Variants in GRIK2 observed in about 807,000 individuals in gnomAD.
GRIK2 encodes glutamate receptor ionotropic, kainate 2.
GRIK2 carries 32 observed loss-of-function variants against 100.3 expected under a neutral mutation model. The ratio of observed to expected loss-of-function variants is 0.32; its 90% confidence interval spans 0.24 to 0.43. The LOEUF is 0.43. Among genes scored for constraint, GRIK2 ranks in the 20% least tolerant of loss-of-function variants. The pLI is 1.00. For missense variants in GRIK2, 843 were observed against 1,114.9 expected, an observed-to-expected ratio of 0.76 and a Z score of 3.47; for synonymous variants, 417 against 389.4, an observed-to-expected ratio of 1.07 and a Z score of -0.83.
intron 15 of GRIK2, 25 bp from the exon 16 acceptor site, chr6:102,055,305 C>T: frequency 6.4e-7 from 1 of 1,564,716 alleles, no homozygotes; most frequent in Non-Finnish European, 8.7e-7. Context: ...CCTTGAAATA[C>T]TTAACATAAC....
At chr6:101,583,441 G>T (rs1778197075) in intron 2 of GRIK2, among the ~76,000 whole-genome samples, 1 of 152,006 alleles carries the variant, frequency 6.6e-6, no homozygotes, top group African/African-American at 2.4e-5. Flanking sequence ...CTGCCTTATT[G>T]CCATGTGTAG....
At chr6:101,690,665 G>A (rs1355186146) in intron 7 of GRIK2, among the ~76,000 whole-genome samples, 1 of 151,842 alleles carries the variant, frequency 6.6e-6, no homozygotes, top group Admixed American at 6.6e-5. Flanking sequence ...CTATGGTCTG[G>A]CTCTTTCCAA....
chr6:102,037,042 CA>C (rs1048186490), intron 15 of GRIK2, among the ~76,000 whole-genome samples: 1 of 150,798 alleles, frequency 6.6e-6, no homozygotes, highest in African/African-American at 2.4e-5. Flanking sequence ...AATTTTCTAC[CA>C]AAAAATTTAA....
rs572939173 is a variant in GRIK2 at position 101,759,069 on chromosome 6, C to G, written c.952-40579C>G. ...TCCCAAACTAAATGATGCTTGACAACATGCTGTCTCAGAGAGTTTCATTTT... is the reference window on the plus strand; with the variant it reads ...TCCCAAACTAAATGATGCTTGACAAGATGCTGTCTCAGAGAGTTTCATTTT... On this transcript the variant is annotated intron_variant, in intron 7 of 16. Coordinates refer to ENST00000369134, the MANE Select transcript of GRIK2 (RefSeq NM_021956.5). Among the ~76,000 whole-genome samples the G allele has an allele frequency of 5.9e-5, 9 of 152,272 alleles. No individual in the cohort carries two copies. In the East Asian group the frequency reaches 1.7e-3, roughly 29 times the overall value.
chr6:101,545,379 A>G (rs1302414421), intron 2 of GRIK2, among the ~76,000 whole-genome samples: 3 of 152,210 alleles, frequency 2.0e-5, no homozygotes, highest in South Asian at 4.1e-4. Context: ...TAGGCCGTGT[A>G]CATATTTCCA....
chr6:101,450,334 A>G (rs899876450), intron 2 of GRIK2, among the ~76,000 whole-genome samples: 1 of 151,740 alleles, frequency 6.6e-6, no homozygotes, highest in Admixed American at 6.6e-5. Flanking sequence ...CAGTAAGTTG[A>G]GGAGTGAACC....
In GRIK2 at chr6:101,909,273, T is replaced by C. The variant is rs150223525; in HGVS notation, c.1749-15328T>C. Among the ~76,000 whole-genome samples, 73 of 149,990 alleles carry C rather than the reference T, an allele frequency of 4.9e-4. 1 individual carries two copies. In the East Asian group the frequency reaches 0.012, roughly 25 times the overall value. On this transcript the variant is annotated intron_variant, in intron 12 of 16. Coordinates refer to ENST00000369134, the MANE Select transcript of GRIK2 (RefSeq NM_021956.5). ...ACATGATTATTGTTATAATGTCCTA[T>C]AAATCTCTATAAATAGGAACAGGAA...
At chr6:102,060,214 ATAAT>A (rs1158535312) in intron 16 of GRIK2, among the ~76,000 whole-genome samples, 2 of 150,834 alleles carry the variant, frequency 1.3e-5, no homozygotes, top group African/African-American at 4.8e-5. Context: ...CAATCTCTAA[ATAAT>A]TATATTTTTT....
At chr6:101,867,733 AATTAAT>A (rs1441946416) in intron 11 of GRIK2, among the ~76,000 whole-genome samples, 1 of 151,322 alleles carries the variant, frequency 6.6e-6, no homozygotes, top group Non-Finnish European at 1.5e-5. Context: ...GCAGTTCCAA[AATTAAT>A]ATTATGTTTA....
At chr6:101,745,001 CA>C (rs1243854281) in intron 7 of GRIK2, 1 of 151,930 alleles carries the variant, frequency 6.6e-6, no homozygotes, top group African/African-American at 2.4e-5. Flanking sequence ...AAAAAGCAAG[CA>C]AAGTATTTTA....
At chr6:101,755,514 A>G (rs1465182731) in intron 7 of GRIK2, among the ~76,000 whole-genome samples, 4 of 152,050 alleles carry the variant, frequency 2.6e-5, no homozygotes. Flanking sequence ...TATGAGTTCA[A>G]AATCTTTTCT....
In GRIK2 at chr6:101,626,483, C is replaced by T; in HGVS notation, c.387C>T (p.His129=). 1 of 1,613,986 alleles carries T rather than the reference C, an allele frequency of 6.2e-7. No homozygotes were observed. The highest frequency in any genetic ancestry group is 8.5e-7 in the Non-Finnish European group (1 of 1,179,920). ...TCTGCAATGCTCTGGGAGTTCCCCACATACAGACCCGCTGGAAGCACCAGG... is the reference window on the plus strand; with the variant it reads ...TCTGCAATGCTCTGGGAGTTCCCCATATACAGACCCGCTGGAAGCACCAGG... ...QSICNALGVP[H]IQTRWKHQVS... The change falls in exon 4 of 17, where the codon CAC becomes CAT. Residue 129 remains histidine, a synonymous_variant. Coordinates refer to ENST00000369134, the MANE Select transcript of GRIK2 (RefSeq NM_021956.5).
chr6:101,862,585 TTTATTA>T (rs111239921), intron 11 of GRIK2, among the ~76,000 whole-genome samples: 1 of 150,470 alleles, frequency 6.6e-6, no homozygotes, highest in African/African-American at 2.5e-5. Flanking sequence ...TAGCTAATTA[TTTATTA>T]TTATTATTAT....
At chr6:101,779,558 T>G (rs1778954211) in intron 7 of GRIK2, among the ~76,000 whole-genome samples, 1 of 152,142 alleles carries the variant, frequency 6.6e-6, no homozygotes, top group Non-Finnish European at 1.5e-5. Context: ...ATTTTGGAAA[T>G]AAAAATAGCT....
intron 7 of GRIK2, among the ~76,000 whole-genome samples, chr6:101,710,600 G>A (rs1030070942): frequency 2.0e-5 from 3 of 151,742 alleles, no homozygotes; most frequent in Admixed American, 6.6e-5. Context: ...AATAACTAAA[G>A]GTTTGTTTAT....
At chr6:101,779,541 C>A (rs1373612877) in intron 7 of GRIK2, among the ~76,000 whole-genome samples, 1 of 152,114 alleles carries the variant, frequency 6.6e-6, no homozygotes, top group Non-Finnish European at 1.5e-5. Context: ...TGTAGGTTAA[C>A]TAACTTATTT....
At position 102,023,450 on chromosome 6, in the gene GRIK2, C is replaced by T. The variant is rs543237448; in HGVS notation, c.2086-11891C>T. Among the ~76,000 whole-genome samples, 25 of 151,454 alleles carry T rather than the reference C, an allele frequency of 1.7e-4. 1 individual carries two copies. The East Asian group carries it at 4.7e-3, about 28-fold the overall frequency. ...TCGCTGTGGCTTGTAGGGTAACAAACAGAAGGAGAAGAGGAGAGATTTTGA... is the reference window on the plus strand; with the variant it reads ...TCGCTGTGGCTTGTAGGGTAACAAATAGAAGGAGAAGAGGAGAGATTTTGA... On this transcript the variant is annotated intron_variant, in intron 14 of 16. Transcript: ENST00000369134.
intron 2 of GRIK2, among the ~76,000 whole-genome samples, chr6:101,405,806 C>T (rs1476277373): frequency 1.3e-5 from 2 of 152,204 alleles, no homozygotes; most frequent in Non-Finnish European, 2.9e-5. Flanking sequence ...CTGTTTCTTG[C>T]CATGTGGCAT....
At chr6:101,639,140 A>G (rs2128323600) in intron 4 of GRIK2, among the ~76,000 whole-genome samples, 1 of 152,208 alleles carries the variant, frequency 6.6e-6, no homozygotes, top group African/African-American at 2.4e-5. Flanking sequence ...TCCGGATTCA[A>G]GCTATTCTGC....
Sources: gnomAD v4.1 joint callset for allele counts (sites outside exome capture counted in the v4.1 genomes callset) on GRCh38, gnomAD v4.1.1 for gene constraint, MANE v1.5 for transcripts, NCBI Gene and HGNC (gene_info 2026-07-23, HGNC 2026-07-21) for gene names.